The following CEP68 variants were observed in gnomAD, a reference collection of about 807,000 sequenced individuals.
CEP68 encodes the protein centrosomal protein of 68 kDa.
Under a neutral mutation model 55.3 loss-of-function variants are expected in CEP68, and 26 were observed. That is an observed-to-expected ratio of 0.47 (90% CI 0.34 to 0.65). The LOEUF (loss-of-function observed/expected upper bound fraction) is 0.65, where lower values mean the gene tolerates loss of function less well. Among genes scored for constraint, CEP68 ranks in the 30% least tolerant of loss-of-function variants. The pLI is 0.01. For synonymous variants in CEP68, 402 were observed against 383.2 expected (o/e 1.05, Z -0.57); for missense variants, 957 against 946.7 (o/e 1.01, Z -0.14).
chr2:65,065,955 TAA>T (rs59986437), intron 1 of CEP68, among the ~76,000 whole-genome samples: 21 of 129,366 alleles, frequency 1.6e-4, no homozygotes, highest in African/African-American at 1.7e-4. Context: ...GACTTCATCT[TAA>T]AAAAAAAAAA....
chr2:65,073,912 T>C (rs147411351), intron 3 of CEP68: 98 of 206,566 alleles, frequency 4.7e-4, no homozygotes, highest in African/African-American at 2.2e-3. Flanking sequence ...ATTTTAGTCA[T>C]TTATTTTACG....
intron 1 of CEP68, among the ~76,000 whole-genome samples, chr2:65,061,373 C>T (rs1675908098): frequency 6.6e-6 from 1 of 152,162 alleles, no homozygotes; most frequent in Non-Finnish European, 1.5e-5. Context: ...CTGGCTCCTC[C>T]TAGGGCCCTG....
At chr2:65,066,690 G>C (rs1368100414) in intron 1 of CEP68, among the ~76,000 whole-genome samples, 1 of 130,722 alleles carries the variant, frequency 7.6e-6, no homozygotes, top group Non-Finnish European at 1.5e-5. Context: ...TCACACCACT[G>C]CACACCAGCC....
At chr2:65,070,235 T>C (rs1676397860) in intron 2 of CEP68, among the ~76,000 whole-genome samples, 1 of 152,130 alleles carries the variant, frequency 6.6e-6, no homozygotes, top group African/African-American at 2.4e-5. Context: ...CCAAGGGACA[T>C]GTCAGAACCT....
intron 1 of CEP68, among the ~76,000 whole-genome samples, chr2:65,057,307 AAG>A (rs1350867090): frequency 6.6e-6 from 1 of 152,238 alleles, no homozygotes; most frequent in East Asian, 1.9e-4. Context: ...CTAGGGTATG[AAG>A]AGTGTTGTGT....
At chr2:65,061,327 A>G (rs1307841728) in intron 1 of CEP68, among the ~76,000 whole-genome samples, 3 of 152,208 alleles carry the variant, frequency 2.0e-5, no homozygotes, top group Admixed American at 6.5e-5. Flanking sequence ...AGCCTAGCCC[A>G]CAGCCCTCCC....
In CEP68 at chr2:65,071,554, A is replaced by G. The variant is rs748610857; in HGVS notation, c.458A>G (p.Asp153Gly). ...TCAGGACATGATGCTGATACCGAAGATGATCCATCCCTAGCAGATTTGCCC... is the reference window on the plus strand; with the variant it reads ...TCAGGACATGATGCTGATACCGAAGGTGATCCATCCCTAGCAGATTTGCCC... The part of the protein sequence containing the change: ...ICSGHDADTE[D>G]DPSLADLPQA... The change falls in exon 3 of 7, where the codon GAT (aspartate) becomes GGT (glycine). Residue 153 changes from aspartate to glycine, a missense_variant. By Grantham distance (94) the Asp-to-Gly change is moderately conservative (BLOSUM62 -1). Coordinates refer to ENST00000377990, the MANE Select transcript of CEP68 (RefSeq NM_015147.3). 1 of 1,614,190 alleles carries G rather than the reference A, an allele frequency of 6.2e-7. No homozygotes were observed. Among genetic ancestry groups the G allele is most frequent in the East Asian group, 2.2e-5 (1 of 44,872 alleles).
chr2:65,074,770 C>T (rs961314902), intron 4 of CEP68: 5 of 243,378 alleles, frequency 2.1e-5, no homozygotes, highest in African/African-American at 7.1e-5. Context: ...CAAGACCCCC[C>T]CCCCTCAAAA....
chr2:65,073,957 T>A (rs1176638193), intron 3 of CEP68: 2 of 243,710 alleles, frequency 8.2e-6, no homozygotes, highest in Non-Finnish European at 1.6e-5. Context: ...CGTATCTGGC[T>A]CCAAGATGCT....
At chr2:65,078,059 C>T in intron 5 of CEP68, 95 bp downstream of exon 5, 1 of 865,492 alleles carries the variant, frequency 1.2e-6, no homozygotes, top group Non-Finnish European at 1.8e-6. Context: ...GCTGGTACCA[C>T]AAGAGCCCCT....
intron 5 of CEP68, among the ~76,000 whole-genome samples, chr2:65,078,844 A>G (rs1676883147): frequency 6.6e-6 from 1 of 152,172 alleles, no homozygotes; most frequent in Non-Finnish European, 1.5e-5. Flanking sequence ...GCACCCAGCC[A>G]CTTGAGCCCA....
chr2:65,057,311 G>A (rs953968122), intron 1 of CEP68, among the ~76,000 whole-genome samples: 1 of 152,240 alleles, frequency 6.6e-6, no homozygotes, highest in Admixed American at 6.5e-5. Flanking sequence ...GGTATGAAGA[G>A]TGTTGTGTTA....
intron 5 of CEP68, among the ~76,000 whole-genome samples, chr2:65,081,289 T>TGCAATCCTCTGCCACACTCTGCC: frequency 6.6e-6 from 1 of 152,004 alleles, no homozygotes; most frequent in Admixed American, 6.5e-5. Context: ...TGCGCCTGAC[T>TGCAATCCTCTGCCACACTCTGCC]GCAATCCTCT....
Position 65,069,614 on chromosome 2 carries a change from G to T in CEP68, c.170G>T (p.Gly57Val). ...AEGGLISPVW[G>V]AEGIPAPTCW... is the part of the protein sequence containing the mutation. ...GGAGGGCTCATCTCCCCTGTATGGG[G>T]GGCAGAAGGGATACCTGCCCCTACT... is the stretch of plus-strand genomic sequence containing the variant. The change falls in exon 2 of 7, where the codon GGG becomes GTG. Residue 57 changes from glycine (G) to valine (V), a missense_variant. Gly to Val is a moderately radical substitution (Grantham distance 109). Coordinates refer to ENST00000377990, the MANE Select transcript of CEP68 (RefSeq NM_015147.3). 6.2e-7 allele frequency: 1 copy of T among 1,614,098 alleles called. No homozygotes were observed. Among genetic ancestry groups the T allele is most frequent in the Non-Finnish European group, 8.5e-7 (1 of 1,180,010 alleles).
chr2:65,060,288 C>T (rs1251039296), intron 1 of CEP68, among the ~76,000 whole-genome samples: 2 of 152,152 alleles, frequency 1.3e-5, no homozygotes, highest in African/African-American at 2.4e-5. Context: ...TGAATGGAGA[C>T]AGCTGTTTCT....
chr2:65,069,674 G>A lies in CEP68; in HGVS notation c.230G>A (p.Arg77Lys), dbSNP rs759966991. 3.7e-6 allele frequency: 6 copies of A among 1,614,028 alleles called. No individual in the cohort carries two copies. In the South Asian group the frequency reaches 6.6e-5, roughly 18 times the overall value. The change falls in exon 2 of 7, where the codon AGA becomes AAA. Residue 77 changes from arginine (R) to lysine (K), a missense_variant. Physicochemically the swap from Arg to Lys is conservative, Grantham distance 26. Transcript: ENST00000377990. ...WIGTDPGGPS[R>K]AHQPQASDAN... ...GGGACTGACCCTGGCGGCCCCTCTAGAGCCCACCAGCCACAGGCCAGTGAT... is the reference window on the plus strand; with the variant it reads ...GGGACTGACCCTGGCGGCCCCTCTAAAGCCCACCAGCCACAGGCCAGTGAT...
At chr2:65,068,055 C>T (rs1210017264) in intron 1 of CEP68, among the ~76,000 whole-genome samples, 1 of 152,180 alleles carries the variant, frequency 6.6e-6, no homozygotes, top group Non-Finnish European at 1.5e-5. Context: ...CTCTTACCAT[C>T]TGTTTGCCTC....
At position 65,065,455 on chromosome 2, in the gene CEP68, C is replaced by T. The variant is rs190115713; in HGVS notation, c.-46-3944C>T. Among the ~76,000 whole-genome samples, 3 of 152,274 alleles carry T rather than the reference C, an allele frequency of 2.0e-5. No individual in the cohort carries two copies. The East Asian group carries it at 5.8e-4, about 29-fold the overall frequency. ...TGTACGGTAAGTCCTCACTTGATGT[C>T]GTCAGTAAGTTCTTGGAAACCGTGA... On this transcript the variant is annotated intron_variant, in intron 1 of 6. Transcript: ENST00000377990.
At position 65,069,502 on chromosome 2, in the gene CEP68, T is replaced by A; in HGVS notation, c.58T>A (p.Ser20Thr). The change falls in exon 2 of 7, where the codon TCC becomes ACC. Residue 20 changes from serine (S) to threonine (T), a missense_variant. Ser to Thr is a moderately conservative substitution (Grantham distance 58). Coordinates refer to ENST00000377990, the MANE Select transcript of CEP68 (RefSeq NM_015147.3). ...AGCATCTGAAGACACAAAGGCCCAG[T>A]CCTATGGGAGAGGGAGCTGCAGGGA... Reference protein sequence around the residue: ...AEASEDTKAQSYGRGSCRERE... With the variant: ...AEASEDTKAQTYGRGSCRERE... 1 of 1,565,166 alleles carries A rather than the reference T, an allele frequency of 6.4e-7. No individual in the cohort carries two copies. The highest frequency in any genetic ancestry group is 1.2e-5 in the South Asian group (1 of 84,008).
Sources: allele counts gnomAD v4.1 joint callset (sites outside exome capture counted in the v4.1 genomes callset), GRCh38; gene constraint gnomAD v4.1.1; transcripts MANE v1.5; gene names NCBI Gene and HGNC (gene_info 2026-07-23, HGNC 2026-07-21).